EIF5B: variants seen among roughly 807,000 people sequenced by gnomAD.
The protein encoded by EIF5B is eIF-5B.
EIF5B carries 47 observed loss-of-function variants against 147.5 expected under a neutral mutation model. The observed-to-expected ratio is 0.32, with a 90% CI of 0.25 to 0.41. EIF5B has a LOEUF of 0.41. Ranked by LOEUF, EIF5B falls within the 10% of genes least tolerant of loss-of-function variation. The pLI is 1.00. For synonymous variants in EIF5B, 455 were observed against 456.2 expected (o/e 1.00, Z 0.03); for missense variants, 1,064 against 1,413.2 (o/e 0.75, Z 3.96).
intron 8 of EIF5B, among the ~76,000 whole-genome samples, chr2:99,369,694 T>C (rs576277550): frequency 6.6e-6 from 1 of 152,334 alleles, no homozygotes; most frequent in Non-Finnish European, 1.5e-5. Flanking sequence ...TGTGTTCTTT[T>C]CAGCAGTGTT....
intron 4 of EIF5B, 90 bp downstream of exon 4, chr2:99,361,910 G>T: frequency 7.9e-7 from 1 of 1,268,752 alleles, no homozygotes; most frequent in Non-Finnish European, 1.0e-6. Context: ...TTTGTTATTT[G>T]TCCATGGGTA....
At chr2:99,338,829 T>C (rs940644315) in intron 1 of EIF5B, among the ~76,000 whole-genome samples, 1 of 151,614 alleles carries the variant, frequency 6.6e-6, no homozygotes, top group African/African-American at 2.4e-5. Context: ...AATAGAGAAC[T>C]GAGTATAATG....
chr2:99,361,436 A>G lies in EIF5B; in HGVS notation c.535A>G (p.Arg179Gly). ...DNSKKIKERS[R>G]INSSGESGDE... is the part of the protein sequence containing the mutation. Reference sequence around the variant, plus strand: ...CAGTAAAAAAATTAAAGAGCGTTCAAGAATAAATTCTTCTGGTGAAAGTGG... The same window carrying G: ...CAGTAAAAAAATTAAAGAGCGTTCAGGAATAAATTCTTCTGGTGAAAGTGG... Residue 179 changes from arginine to glycine, a missense_variant, in exon 4 of 24, where the codon AGA becomes GGA. By Grantham distance (125) the Arg-to-Gly change is moderately radical. Around this residue, in one of 4 missense-constraint regions of EIF5B, gnomAD observed 458 missense variants for 451.3 expected, o/e 1.01. Transcript: ENST00000289371. The G allele has an allele frequency of 6.2e-7, 1 of 1,614,062 alleles. No homozygotes were observed. Among genetic ancestry groups the G allele is most frequent in the Non-Finnish European group, 8.5e-7 (1 of 1,180,028 alleles).
chr2:99,369,621 C>G (rs1574929932), intron 8 of EIF5B, 140 bp downstream of exon 8: 1 of 568,794 alleles, frequency 1.8e-6, no homozygotes, highest in African/African-American at 1.9e-5. Flanking sequence ...CTTCATAGTT[C>G]TTTCTTTTCT....
chr2:99,386,715 C>CG (rs1432954184), intron 14 of EIF5B, among the ~76,000 whole-genome samples: 6 of 92,972 alleles, frequency 6.5e-5, no homozygotes, highest in Admixed American at 2.1e-4. Flanking sequence ...TTCTGGGGGG[C>CG]GGGGGGGCGG....
At chr2:99,341,763 G>T (rs12623835) in intron 1 of EIF5B, among the ~76,000 whole-genome samples, 126,672 of 152,194 alleles carry the variant, frequency 0.83, 53,288 homozygotes, top group Middle Eastern at 0.98. Context: ...CTTACACTAT[G>T]ATACATAACA....
rs2104216645 is a variant in EIF5B at position 99,376,365 on chromosome 2, A to G, written c.1571A>G (p.His524Arg). Residue 524 changes from histidine to arginine, a missense_variant, in exon 10 of 24, where the codon CAT becomes CGT. His to Arg is a conservative substitution (Grantham distance 29). This residue lies in a region of EIF5B where 195 missense variants were observed against 186.3 expected (regional missense o/e 1.05). Coordinates refer to ENST00000289371, the MANE Select transcript of EIF5B (RefSeq NM_015904.4). ...TTCGTAGTAGAAGGAAACAAAGTTC[A>G]TATAGAAGTAAAAGAAAACCCTGAA... The part of the protein sequence containing the change: ...ETEKVEGNKV[H>R]IEVKENPEEE... 1 of 1,457,088 alleles carries G rather than the reference A, an allele frequency of 6.9e-7. No individual in the cohort carries two copies. The highest frequency in any genetic ancestry group is 9.4e-7 in the Non-Finnish European group (1 of 1,066,076). 90.3% of individuals were successfully genotyped at this position (1,457,088 alleles called of 1,614,324 possible). A position where few individuals can be genotyped will look rare whatever the true frequency, so the allele number is the denominator to read the frequency against.
At chr2:99,361,928 A>G (rs1254719744) in intron 4 of EIF5B, 108 bp downstream of exon 4, 2 of 1,045,556 alleles carry the variant, frequency 1.9e-6, no homozygotes, top group Non-Finnish European at 1.3e-6. Context: ...GTATAAAGAC[A>G]CTTGATTGTA....
intron 3 of EIF5B, 96 bp from the exon 4 acceptor site, chr2:99,361,052 T>C (rs1473771019): frequency 8.7e-7 from 1 of 1,145,828 alleles, no homozygotes; most frequent in Non-Finnish European, 1.2e-6. Flanking sequence ...TTTGAAATCA[T>C]TTTGAGATTT....
At chr2:99,337,824 C>T (rs896741666) in intron 1 of EIF5B, among the ~76,000 whole-genome samples, 1 of 152,240 alleles carries the variant, frequency 6.6e-6, no homozygotes, top group Non-Finnish European at 1.5e-5. Context: ...ACCCCTTCCC[C>T]GGCCTGAGGA....
chr2:99,391,568 C>T (rs1014363753), intron 17 of EIF5B, among the ~76,000 whole-genome samples: 1 of 152,158 alleles, frequency 6.6e-6, no homozygotes, highest in South Asian at 2.1e-4. Flanking sequence ...TCCCCTCCTA[C>T]CCCCTGACCT....
chr2:99,394,415 C>T lies in EIF5B; in HGVS notation c.3012+17C>T, dbSNP rs373460366. The T allele has an allele frequency of 1.3e-5, 21 of 1,613,522 alleles. No individual in the cohort carries two copies. Among genetic ancestry groups the T allele is most frequent in the African/African-American group, 2.7e-5 (2 of 74,838 alleles). On this transcript the variant is annotated intron_variant, in intron 19 of 23. Transcript: ENST00000289371. ...GAAGTGCCCGTAAGTAACTACAACTCGCTCCACAAGTGAATGGTGGTTGGT... is the reference window on the plus strand; with the variant it reads ...GAAGTGCCCGTAAGTAACTACAACTTGCTCCACAAGTGAATGGTGGTTGGT...
At chr2:99,395,334 CCCT>C (rs1559261705) in intron 21 of EIF5B, among the ~76,000 whole-genome samples, 1 of 152,192 alleles carries the variant, frequency 6.6e-6, no homozygotes, top group Non-Finnish European at 1.5e-5. Context: ...AGGCCAGCCT[CCCT>C]CCTCCTTTCC....
At chr2:99,365,458 A>C (rs923853582) in intron 6 of EIF5B, among the ~76,000 whole-genome samples, 4 of 152,320 alleles carry the variant, frequency 2.6e-5, no homozygotes, top group Admixed American at 2.6e-4. Context: ...TTAATGGAGA[A>C]TATAGCTTTT....
intron 1 of EIF5B, among the ~76,000 whole-genome samples, chr2:99,343,156 A>ATGT (rs2094264302): frequency 6.6e-6 from 1 of 150,378 alleles, no homozygotes; most frequent in South Asian, 2.1e-4. Flanking sequence ...CGGTTTCACC[A>ATGT]TGTTGGCCAG....
rs543613626 is a variant in EIF5B at position 99,349,732 on chromosome 2, G to A, written c.36-10504G>A. ...GGTACAATGTGATATTTTGGTATCT[G>A]TATACATTGTGTAATGATCAGATCA... On this transcript the variant is annotated intron_variant, in intron 1 of 23. Coordinates refer to ENST00000289371, the MANE Select transcript of EIF5B (RefSeq NM_015904.4). Among the ~76,000 whole-genome samples, 4 of 152,276 alleles carry A rather than the reference G, an allele frequency of 2.6e-5. No homozygotes were observed. The East Asian group carries it at 7.7e-4, about 29-fold the overall frequency.
chr2:99,391,520 G>A (rs1042715587), intron 17 of EIF5B, among the ~76,000 whole-genome samples: 1 of 152,164 alleles, frequency 6.6e-6, no homozygotes, highest in African/African-American at 2.4e-5. Context: ...GCACCCAGAA[G>A]CTTCCTGTGT....
chr2:99,375,894 C>T (rs1706910948), intron 9 of EIF5B, among the ~76,000 whole-genome samples: 2 of 152,152 alleles, frequency 1.3e-5, no homozygotes, highest in Admixed American at 1.3e-4. Flanking sequence ...CTCATTGGAG[C>T]ATTTCGTATT....
At chr2:99,373,881 G>T (rs1213925110) in intron 9 of EIF5B, among the ~76,000 whole-genome samples, 1 of 151,702 alleles carries the variant, frequency 6.6e-6, no homozygotes, top group African/African-American at 2.4e-5. Context: ...ACTTTTTAGT[G>T]ATTAAGAAAA....
Sources: allele counts gnomAD v4.1 joint callset (sites outside exome capture counted in the v4.1 genomes callset), GRCh38; gene constraint gnomAD v4.1.1; regional missense constraint gnomAD v4.1.1; transcripts MANE v1.5; gene names NCBI Gene and HGNC (gene_info 2026-07-23, HGNC 2026-07-21).